Variants in SEMA3A observed in about 807,000 individuals in gnomAD.
SEMA3A encodes the protein semaphorin-3A.
SEMA3A carries 29 observed loss-of-function variants against 97.9 expected under a neutral mutation model. The observed-to-expected ratio is 0.30, with a 90% CI of 0.22 to 0.40. The LOEUF (loss-of-function observed/expected upper bound fraction) is 0.40. Among genes scored for constraint, SEMA3A ranks in the 10% least tolerant of loss-of-function variants. The pLI, the probability that SEMA3A is intolerant of heterozygous loss-of-function variation, is 1.00. For missense variants in SEMA3A, 763 were observed against 951.3 expected (o/e 0.80, Z 2.60); for synonymous variants, 321 against 323.7 (o/e 0.99, Z 0.09).
At chr7:83,970,965 A>T (rs1788888593) in intron 15 of SEMA3A, among the ~76,000 whole-genome samples, 1 of 152,222 alleles carries the variant, frequency 6.6e-6, no homozygotes, top group Non-Finnish European at 1.5e-5. Context: ...AATACAATAG[A>T]TGCTCTATCA....
chr7:84,012,111 T>C (rs1010424664), intron 7 of SEMA3A, among the ~76,000 whole-genome samples: 1 of 152,116 alleles, frequency 6.6e-6, no homozygotes, highest in Admixed American at 6.6e-5. Flanking sequence ...TGGTCCAAGA[T>C]ATAAAATTTC....
intron 1 of SEMA3A, among the ~76,000 whole-genome samples, chr7:84,432,751 G>A (rs181188388): frequency 4.6e-5 from 7 of 151,928 alleles, no homozygotes; most frequent in Non-Finnish European, 7.4e-5. Flanking sequence ...AGTATTTCAT[G>A]GTGCATATGT....
At chr7:84,463,738 A>C (rs1201109546) in intron 1 of SEMA3A, among the ~76,000 whole-genome samples, 1 of 151,928 alleles carries the variant, frequency 6.6e-6, no homozygotes, top group Non-Finnish European at 1.5e-5. Flanking sequence ...AATCAACTAA[A>C]ATTGAACCTA....
At chr7:84,441,336 A>C (rs551790606) in intron 1 of SEMA3A, among the ~76,000 whole-genome samples, 5 of 152,032 alleles carry the variant, frequency 3.3e-5, no homozygotes, top group Non-Finnish European at 7.4e-5. Flanking sequence ...GGAAACATCA[A>C]TAAAGAGATA....
intron 7 of SEMA3A, 40 bp downstream of exon 7, chr7:84,014,169 G>A (rs1790997203): frequency 6.4e-7 from 1 of 1,570,646 alleles, no homozygotes; most frequent in African/African-American, 1.4e-5. Context: ...GCTGTTATGG[G>A]AAAATGACAT....
At chr7:84,338,551 C>A (rs942171524) in intron 2 of SEMA3A, among the ~76,000 whole-genome samples, 8 of 152,082 alleles carry the variant, frequency 5.3e-5, no homozygotes, top group African/African-American at 1.9e-4. Flanking sequence ...TCAGACTTTA[C>A]TTATAATACT....
chr7:84,383,892 T>C (rs1034511932), intron 1 of SEMA3A, among the ~76,000 whole-genome samples: 8 of 152,196 alleles, frequency 5.3e-5, no homozygotes, highest in Non-Finnish European at 7.4e-5. Flanking sequence ...AAAATACATT[T>C]GTAAGCATTT....
intron 1 of SEMA3A, among the ~76,000 whole-genome samples, chr7:84,428,234 T>C (rs1162592069): frequency 6.6e-6 from 1 of 152,108 alleles, no homozygotes; most frequent in South Asian, 2.1e-4. Context: ...AAGTTCCTGC[T>C]TTGAAGTGAA....
At chr7:84,371,323 G>T (rs1025395492) in intron 2 of SEMA3A, among the ~76,000 whole-genome samples, 1 of 151,654 alleles carries the variant, frequency 6.6e-6, no homozygotes. Context: ...GACAGTTGAG[G>T]AATTTAAGAC....
intron 4 of SEMA3A, among the ~76,000 whole-genome samples, chr7:84,076,135 T>A (rs1244963740): frequency 1.3e-5 from 2 of 152,192 alleles, no homozygotes; most frequent in Non-Finnish European, 2.9e-5. Flanking sequence ...TTACCACAGA[T>A]ACACTTATGG....
chr7:84,040,304 G>A (rs73185469), intron 6 of SEMA3A, among the ~76,000 whole-genome samples: 8,567 of 150,722 alleles, frequency 0.057, 327 homozygotes, highest in East Asian at 0.19. Context: ...CTTGATCTGG[G>A]TAAAATCCTT....
At chr7:84,399,105 G>A (rs1180664638) in intron 1 of SEMA3A, among the ~76,000 whole-genome samples, 1 of 152,154 alleles carries the variant, frequency 6.6e-6, no homozygotes, top group Non-Finnish European at 1.5e-5. Flanking sequence ...AGTCTGAAAA[G>A]AGAATCTGTG....
At chr7:84,098,411 A>AAGGT (rs1399081342) in intron 4 of SEMA3A, among the ~76,000 whole-genome samples, 1 of 152,060 alleles carries the variant, frequency 6.6e-6, no homozygotes, top group East Asian at 1.9e-4. Flanking sequence ...AGGTAGAAGT[A>AAGGT]AGGTAGGTGG....
intron 6 of SEMA3A, among the ~76,000 whole-genome samples, chr7:84,028,141 T>C (rs1791615035): frequency 1.3e-5 from 2 of 152,138 alleles, no homozygotes. Context: ...CACGATACAT[T>C]GCAGTAAATT....
At chr7:84,405,361 T>G (rs932986294) in intron 1 of SEMA3A, among the ~76,000 whole-genome samples, 13 of 152,296 alleles carry the variant, frequency 8.5e-5, no homozygotes, top group African/African-American at 3.1e-4. Flanking sequence ...TAAATATATA[T>G]GCACCCAATA....
intron 14 of SEMA3A, 55 bp downstream of exon 14, chr7:83,981,266 G>A (rs1316982046): frequency 6.3e-7 from 1 of 1,578,984 alleles, no homozygotes; most frequent in Non-Finnish European, 8.6e-7. Flanking sequence ...TTTCAAACTT[G>A]GAATCAGATA....
intron 3 of SEMA3A, among the ~76,000 whole-genome samples, chr7:84,243,953 G>A (rs1035976175): frequency 1.1e-4 from 17 of 152,072 alleles, no homozygotes; most frequent in African/African-American, 3.4e-4. Flanking sequence ...TTTACACTGC[G>A]GTCTGAGAGA....
intron 5 of SEMA3A, among the ~76,000 whole-genome samples, chr7:84,058,672 C>T (rs1265119919): frequency 7.2e-5 from 11 of 152,044 alleles, no homozygotes; most frequent in Non-Finnish European, 7.4e-5. Flanking sequence ...CGCTACATAC[C>T]TCTGAAAATT....
intron 2 of SEMA3A, among the ~76,000 whole-genome samples, chr7:84,131,309 G>C (rs1795955401): frequency 6.6e-6 from 1 of 151,980 alleles, no homozygotes; most frequent in African/African-American, 2.4e-5. Flanking sequence ...TTTAACTGTT[G>C]GTGGTTGGAA....
Sources: allele counts gnomAD v4.1 joint callset (sites outside exome capture counted in the v4.1 genomes callset), GRCh38; gene constraint gnomAD v4.1.1; transcripts MANE v1.5; gene names NCBI Gene and HGNC (gene_info 2026-07-23, HGNC 2026-07-21).